Variants in EVI5 observed in about 807,000 individuals in gnomAD.
EVI5 encodes ecotropic viral integration site 5 protein homolog.
A neutral mutation model predicts 112.0 loss-of-function variants in EVI5; 73 were observed. The ratio of observed to expected loss-of-function variants is 0.65; its 90% CI spans 0.54 to 0.79. EVI5 has a LOEUF of 0.79. Ranked by LOEUF, EVI5 falls within the 30% of genes least tolerant of loss-of-function variation. The pLI, the probability that EVI5 is intolerant of heterozygous loss-of-function variation, is 0.00. For missense variants in EVI5, 900 were observed against 968.8 expected, an observed-to-expected ratio of 0.93 and a Z score of 0.94; for synonymous variants, 305 against 319.9, an observed-to-expected ratio of 0.95 and a Z score of 0.50.
At chr1:92,712,836 G>C (rs1209724705) in intron 2 of EVI5, among the ~76,000 whole-genome samples, 2 of 151,872 alleles carry the variant, frequency 1.3e-5, no homozygotes, top group Non-Finnish European at 2.9e-5. Flanking sequence ...ATGGACATTA[G>C]GTCATCTAGA....
intron 13 of EVI5, among the ~76,000 whole-genome samples, chr1:92,640,621 T>G (rs540393867): frequency 6.6e-6 from 1 of 152,268 alleles, no homozygotes; most frequent in African/African-American, 2.4e-5. Context: ...CTGGTGAGGC[T>G]GCGGACAGAT....
intron 19 of EVI5, among the ~76,000 whole-genome samples, chr1:92,561,219 GT>G (rs1001387646): frequency 1.3e-5 from 2 of 151,878 alleles, no homozygotes. Context: ...TATTTCTACA[GT>G]TTTTTTCTTT....
chr1:92,707,023 T>C (rs1285245920), intron 2 of EVI5, among the ~76,000 whole-genome samples: 1 of 149,582 alleles, frequency 6.7e-6, no homozygotes, highest in Non-Finnish European at 1.5e-5. Context: ...CTACTAAAAA[T>C]ATAAAATTAG....
intron 1 of EVI5, chr1:92,756,099 A>G: frequency 3.5e-6 from 1 of 281,752 alleles, no homozygotes; most frequent in Non-Finnish European, 7.6e-6. Context: ...CTGAAGAAAA[A>G]GAAGATAGTG....
chr1:92,792,408 G>C, upstream of EVI5: 1 of 1,602,722 alleles, frequency 6.2e-7, no homozygotes, highest in Non-Finnish European at 8.5e-7. Flanking sequence ...AAGCAGAGAA[G>C]ACAGAGAGAC....
At chr1:92,706,183 T>G (rs1671939678) in intron 2 of EVI5, among the ~76,000 whole-genome samples, 1 of 152,052 alleles carries the variant, frequency 6.6e-6, no homozygotes, top group Non-Finnish European at 1.5e-5. Flanking sequence ...ATCAACTAAT[T>G]ATTATAAATA....
At chr1:92,759,153 G>A (rs1162713076) in intron 1 of EVI5, among the ~76,000 whole-genome samples, 2 of 152,090 alleles carry the variant, frequency 1.3e-5, no homozygotes, top group Non-Finnish European at 2.9e-5. Context: ...AGCTCAGGGG[G>A]CAGAGGTTAC....
chr1:92,752,385 G>T (rs1215548278), intron 1 of EVI5, among the ~76,000 whole-genome samples: 1 of 152,106 alleles, frequency 6.6e-6, no homozygotes, highest in Admixed American at 6.5e-5. Context: ...ATGTTGGCCA[G>T]GCTGGTCTCG....
intron 16 of EVI5, among the ~76,000 whole-genome samples, chr1:92,610,362 A>G (rs990351559): frequency 1.3e-5 from 2 of 152,246 alleles, no homozygotes; most frequent in Admixed American, 1.3e-4. Context: ...ATGTCCATAG[A>G]TAAAACCCTT....
At chr1:92,680,327 T>C (rs1667387206) in intron 9 of EVI5, among the ~76,000 whole-genome samples, 1 of 152,116 alleles carries the variant, frequency 6.6e-6, no homozygotes, top group African/African-American at 2.4e-5. Context: ...CAAAGAATAA[T>C]GGGGAAAATA....
intron 19 of EVI5, among the ~76,000 whole-genome samples, chr1:92,551,606 T>C (rs1218395641): frequency 1.3e-5 from 2 of 152,226 alleles, no homozygotes; most frequent in African/African-American, 2.4e-5. Context: ...ATATGCATAA[T>C]ACTACAGTCA....
chr1:92,717,127 C>G (rs1673855461), intron 2 of EVI5, among the ~76,000 whole-genome samples: 1 of 152,162 alleles, frequency 6.6e-6, no homozygotes, highest in Non-Finnish European at 1.5e-5. Context: ...ATGAGAACTA[C>G]GTGATGCATA....
chr1:92,542,173 T>G (rs1433686324), intron 19 of EVI5, among the ~76,000 whole-genome samples: 1 of 152,238 alleles, frequency 6.6e-6, no homozygotes, highest in African/African-American at 2.4e-5. Context: ...CACTGCTTTA[T>G]CAACTAAGTT....
intron 16 of EVI5, among the ~76,000 whole-genome samples, chr1:92,619,190 G>T (rs1043643604): frequency 1.3e-5 from 2 of 152,166 alleles, no homozygotes; most frequent in Non-Finnish European, 2.9e-5. Flanking sequence ...GTGGGCTGGG[G>T]TAGGCAGATC....
intron 18 of EVI5, among the ~76,000 whole-genome samples, chr1:92,601,647 C>T (rs1163889129): frequency 1.3e-5 from 2 of 151,910 alleles, no homozygotes; most frequent in Non-Finnish European, 2.9e-5. Flanking sequence ...ATGTGGGATA[C>T]AAAAAGTTGA....
chr1:92,529,390 C>G (rs1662461948), intron 19 of EVI5, among the ~76,000 whole-genome samples: 1 of 151,858 alleles, frequency 6.6e-6, no homozygotes, highest in Non-Finnish European at 1.5e-5. Context: ...TTTTAACTGT[C>G]AGACTGAAGC....
At chr1:92,667,847 C>A (rs940731144) in intron 10 of EVI5, among the ~76,000 whole-genome samples, 1 of 152,276 alleles carries the variant, frequency 6.6e-6, no homozygotes, top group East Asian at 1.9e-4. Context: ...GATCTCCTGA[C>A]CTCATGATCC....
At chr1:92,690,350 C>CT (rs34227828) in intron 9 of EVI5, among the ~76,000 whole-genome samples, 44 of 135,980 alleles carry the variant, frequency 3.2e-4, no homozygotes, top group Middle Eastern at 3.8e-3. Flanking sequence ...CCCAATGATA[C>CT]TTTTTTTTTT....
intron 19 of EVI5, among the ~76,000 whole-genome samples, chr1:92,515,205 G>C (rs1266695811): frequency 4.6e-5 from 7 of 152,188 alleles, no homozygotes; most frequent in African/African-American, 1.7e-4. Flanking sequence ...GGCTTAAGGA[G>C]GTCAAAAGCT....
Sources: allele counts gnomAD v4.1 joint callset (sites outside exome capture counted in the v4.1 genomes callset), GRCh38; gene constraint gnomAD v4.1.1; transcripts MANE v1.5; gene names NCBI Gene and HGNC (gene_info 2026-07-23, HGNC 2026-07-21).